ANO3: variants seen among roughly 807,000 people sequenced by gnomAD.
ANO3 encodes the protein anoctamin-3.
ANO3 carries 99 observed loss-of-function variants against 144.8 expected under a neutral mutation model. That is an observed-to-expected ratio of 0.68 (90% confidence interval 0.58 to 0.81). The LOEUF (loss-of-function observed/expected upper bound fraction) is 0.81, where lower values mean the gene tolerates loss of function less well. ANO3 is among the 30% of genes least tolerant of loss of function. ANO3 has a pLI of 0.00. For synonymous variants in ANO3, 414 were observed against 392.6 expected (o/e 1.05, Z -0.64); for missense variants, 905 against 1,202.2 (o/e 0.75, Z 3.66).
At chr11:26,404,199 T>C (rs190642999) in intron 1 of ANO3, among the ~76,000 whole-genome samples, 1 of 151,864 alleles carries the variant, frequency 6.6e-6, no homozygotes, top group East Asian at 1.9e-4. Context: ...AATGCAAATA[T>C]TTTAATGAAA....
intron 1 of ANO3, among the ~76,000 whole-genome samples, chr11:26,291,120 T>G (rs1564951447): frequency 6.6e-6 from 1 of 152,238 alleles, no homozygotes; most frequent in Non-Finnish European, 1.5e-5. Flanking sequence ...ATATTTAGGA[T>G]AGTTAGCTCT....
intron 1 of ANO3, among the ~76,000 whole-genome samples, chr11:26,411,362 A>C (rs1158270466): frequency 2.6e-5 from 4 of 151,984 alleles, no homozygotes; most frequent in Admixed American, 6.6e-5. Context: ...AATATCAAAC[A>C]TTTTGCCAAC....
At position 26,634,094 on chromosome 11, in the gene ANO3, A is replaced by AT. The variant is rs71047869; in HGVS notation, c.1874-110_1874-109insT. The AT allele has an allele frequency of 0.3, 156,470 of 515,228 alleles. 16,002 individuals carry two copies. Among genetic ancestry groups the AT allele is most frequent in the Non-Finnish European group, 0.33 (98,109 of 297,036 alleles). 31.9% of individuals were successfully genotyped at this position (515,228 alleles called of 1,614,324 possible). ...GACTCCATTTCCAAAAAAAAAAAAA[A>AT]AAAATTAAATTAAAAAGACAAACTT... On this transcript the variant is annotated intron_variant, in intron 18 of 26. Transcript: ENST00000256737.
chr11:26,243,327 ATAAAG>A (rs1020908641), intron 1 of ANO3, among the ~76,000 whole-genome samples: 4 of 152,050 alleles, frequency 2.6e-5, no homozygotes, highest in African/African-American at 4.8e-5. Context: ...TCTTAAAAGA[ATAAAG>A]TAAAGGCTTT....
At chr11:26,365,713 G>C (rs1458036731) in intron 1 of ANO3, among the ~76,000 whole-genome samples, 1 of 152,122 alleles carries the variant, frequency 6.6e-6, no homozygotes, top group South Asian at 2.1e-4. Context: ...ATGAGTAGCA[G>C]TGTCCCAAGG....
chr11:26,567,659 G>T (rs1850644926), intron 14 of ANO3, among the ~76,000 whole-genome samples: 1 of 151,872 alleles, frequency 6.6e-6, no homozygotes. Context: ...TAGACATATT[G>T]TATCTTCCAT....
chr11:26,565,054 A>G, intron 14 of ANO3: 1 of 1,088,546 alleles, frequency 9.2e-7, no homozygotes, highest in Non-Finnish European at 1.3e-6. Context: ...AATCCATGCT[A>G]TTGTGTTCTC....
chr11:26,595,634 C>A (rs996119553), intron 14 of ANO3, among the ~76,000 whole-genome samples: 1 of 151,878 alleles, frequency 6.6e-6, no homozygotes, highest in Admixed American at 6.6e-5. Flanking sequence ...CTCAATCACC[C>A]GGGAGGAACC....
At chr11:26,509,103 C>CTATATATA (rs145568354) in intron 5 of ANO3, among the ~76,000 whole-genome samples, 1 of 118,150 alleles carries the variant, frequency 8.5e-6, no homozygotes, top group Non-Finnish European at 1.8e-5. Context: ...ATCTCTCTCT[C>CTATATATA]TCTATATATA....
chr11:26,586,202 G>T (rs1851270160), intron 14 of ANO3, among the ~76,000 whole-genome samples: 2 of 152,044 alleles, frequency 1.3e-5, no homozygotes, highest in Non-Finnish European at 2.9e-5. Context: ...TGACTTAATT[G>T]GTCTAAAGTG....
rs546406349 is a variant in ANO3 at position 26,374,284 on chromosome 11, G to GT, written c.46+41966dup. Among the ~76,000 whole-genome samples the GT allele has an allele frequency of 6.6e-5, 10 of 152,260 alleles. No homozygotes were observed. The South Asian group carries it at 2.1e-3, about 32-fold the overall frequency. ...TATTATTTGAGGTAATAAACATCAT[G>GT]TTTAGCAGCTGAAACGTAATACACA... is the stretch of plus-strand genomic sequence containing the variant. On this transcript the variant is annotated intron_variant, in intron 1 of 26. Transcript: ENST00000256737.
upstream of ANO3, among the ~76,000 whole-genome samples, chr11:26,329,131 T>A (rs531600352): frequency 6.6e-6 from 1 of 152,298 alleles, no homozygotes; most frequent in East Asian, 1.9e-4. Context: ...TTAGCTTTCC[T>A]TAATGAGGCT....
intron 1 of ANO3, among the ~76,000 whole-genome samples, chr11:26,352,696 C>A (rs1189912225): frequency 6.6e-6 from 1 of 152,122 alleles, no homozygotes; most frequent in African/African-American, 2.4e-5. Context: ...CTTTACCATT[C>A]TCTTTGCTTT....
At chr11:26,502,449 T>C (rs1474134935) in intron 4 of ANO3, among the ~76,000 whole-genome samples, 1 of 152,126 alleles carries the variant, frequency 6.6e-6, no homozygotes, top group African/African-American at 2.4e-5. Context: ...TGAATACAGT[T>C]CTCAACACCT....
At chr11:26,474,134 T>C (rs191490201) in intron 4 of ANO3, 476 of 980,458 alleles carry the variant, frequency 4.9e-4, no homozygotes, top group Non-Finnish European at 5.7e-4. Flanking sequence ...CTGTGGTATG[T>C]TTAAAAGTGC....
rs576362057 is a variant in ANO3, at chr11:26,342,378, A to G, written c.46+10057A>G. On this transcript the variant is annotated intron_variant, in intron 1 of 26. Coordinates refer to ENST00000256737, the MANE Select transcript of ANO3 (RefSeq NM_031418.4). ...GTGATTAACCCATGAGGGTAGATTCATATAGGATGAGTGCCTTCTGAAGGG... is the reference window on the plus strand; with the variant it reads ...GTGATTAACCCATGAGGGTAGATTCGTATAGGATGAGTGCCTTCTGAAGGG... 1.8e-4 allele frequency among the ~76,000 whole-genome samples: 27 copies of G among 152,324 alleles called. No individual in the cohort carries two copies. In the South Asian group the frequency reaches 1.9e-3, roughly 11 times the overall value.
intron 1 of ANO3, among the ~76,000 whole-genome samples, chr11:26,336,258 T>C (rs1213716640): frequency 6.6e-6 from 1 of 152,176 alleles, no homozygotes; most frequent in Non-Finnish European, 1.5e-5. Context: ...GTGGCTGCTC[T>C]TTACCAATAC....
At chr11:26,210,297 T>C (rs1164470100) in intron 1 of ANO3, among the ~76,000 whole-genome samples, 1 of 152,198 alleles carries the variant, frequency 6.6e-6, no homozygotes, top group East Asian at 1.9e-4. Context: ...TGGTTGTAGA[T>C]GTGTGACATT....
At chr11:26,543,749 G>A (rs1476977984) in intron 11 of ANO3, among the ~76,000 whole-genome samples, 1 of 151,996 alleles carries the variant, frequency 6.6e-6, no homozygotes, top group African/African-American at 2.4e-5. Context: ...CAGAATGATG[G>A]TTTCCAGCTT....
Sources: allele counts gnomAD v4.1 joint callset (sites outside exome capture counted in the v4.1 genomes callset), GRCh38; gene constraint gnomAD v4.1.1; transcripts MANE v1.5; gene names NCBI Gene and HGNC (gene_info 2026-07-23, HGNC 2026-07-21).